LGSN: variants seen among roughly 807,000 people sequenced by gnomAD.
LGSN encodes lengsin.
In LGSN, 21 loss-of-function variants were observed where a neutral mutation model predicts 19.5. The observed-to-expected ratio is 1.07, with a 90% CI of 0.76 to 1.55. The LOEUF (loss-of-function observed/expected upper bound fraction) is 1.55. Among genes scored for constraint, LGSN ranks in the 40% most tolerant of loss-of-function variants. The pLI is 0.00. For synonymous variants in LGSN, 257 were observed against 215.6 expected (o/e 1.19, Z -1.68); for missense variants, 673 against 608.5 (o/e 1.11, Z -1.12).
the LGSN span, among the ~76,000 whole-genome samples, chr6:63,419,880 C>CAAA: frequency 1.6e-4 from 9 of 57,338 alleles, 1 homozygote; most frequent in Admixed American, 2.6e-4. Flanking sequence ...AACTCCCTCC[C>CAAA]AAAAAAAAAA....
At chr6:63,304,551 A>T (rs149530337) in intron 1 of LGSN, among the ~76,000 whole-genome samples, 81 of 152,332 alleles carry the variant, frequency 5.3e-4, no homozygotes, top group African/African-American at 1.9e-3. Context: ...GTTACAAGAG[A>T]TTAATGAACA....
chr6:63,474,735 T>C, the LGSN span, among the ~76,000 whole-genome samples: 1 of 149,232 alleles, frequency 6.7e-6, no homozygotes. Flanking sequence ...CAACCTGGCC[T>C]ACATGGTGAA....
At chr6:63,422,934 T>C in the LGSN span, among the ~76,000 whole-genome samples, 3 of 152,148 alleles carry the variant, frequency 2.0e-5, no homozygotes, top group Admixed American at 2.0e-4. Context: ...CATAGTGGAT[T>C]AAGAAAACAT....
At chr6:63,529,103 GTGTGTATATATATA>G in the LGSN span, among the ~76,000 whole-genome samples, 4 of 147,188 alleles carry the variant, frequency 2.7e-5, no homozygotes, top group Admixed American at 6.9e-5. Context: ...ATATATATAT[GTGTGTATATATATA>G]TATGTATATA....
the LGSN span, among the ~76,000 whole-genome samples, chr6:63,495,469 T>TTTTTTTTTTGG: frequency 8.4e-6 from 1 of 119,306 alleles, no homozygotes; most frequent in Non-Finnish European, 1.6e-5. Context: ...TTTTTTTTTT[T>TTTTTTTTTTGG]TTTTTTTGAG....
the LGSN span, among the ~76,000 whole-genome samples, chr6:63,459,759 C>T: frequency 2.6e-5 from 4 of 151,996 alleles, no homozygotes; most frequent in Admixed American, 1.3e-4. Context: ...ACTAAAAATA[C>T]AAAAATTAGC....
chr6:63,417,362 A>G, the LGSN span, among the ~76,000 whole-genome samples: 8 of 152,056 alleles, frequency 5.3e-5, no homozygotes, highest in Non-Finnish European at 8.8e-5. Context: ...TTTGAGTTTC[A>G]GCTTTTCAGG....
the LGSN span, among the ~76,000 whole-genome samples, chr6:63,448,215 T>C: frequency 6.6e-6 from 1 of 152,166 alleles, no homozygotes; most frequent in Admixed American, 6.5e-5. Flanking sequence ...TATTTTACAA[T>C]GTCCTAAGTA....
the LGSN span, among the ~76,000 whole-genome samples, chr6:63,345,997 T>C: frequency 6.6e-6 from 1 of 152,234 alleles, no homozygotes; most frequent in African/African-American, 2.4e-5. Context: ...TGCATTGTTT[T>C]ATTTACCAAA....
chr6:63,409,753 C>T, the LGSN span, among the ~76,000 whole-genome samples: 1 of 152,090 alleles, frequency 6.6e-6, no homozygotes, highest in African/African-American at 2.4e-5. Flanking sequence ...GTTATTACCT[C>T]AGCCGGGTGT....
the LGSN span, among the ~76,000 whole-genome samples, chr6:63,491,629 T>G: frequency 6.6e-6 from 1 of 152,232 alleles, no homozygotes; most frequent in Non-Finnish European, 1.5e-5. Flanking sequence ...AATAACTTCC[T>G]GGGTATGGTA....
At chr6:63,393,736 G>A in the LGSN span, among the ~76,000 whole-genome samples, 1 of 152,136 alleles carries the variant, frequency 6.6e-6, no homozygotes, top group East Asian at 1.9e-4. Context: ...AGGCAGAGCT[G>A]TTTTACTTTC....
At chr6:63,386,639 T>C in the LGSN span, among the ~76,000 whole-genome samples, 2 of 152,160 alleles carry the variant, frequency 1.3e-5, no homozygotes, top group Non-Finnish European at 2.9e-5. Context: ...CTTGGAACTA[T>C]ACAATACCTT....
chr6:63,427,375 G>A, the LGSN span, among the ~76,000 whole-genome samples: 3 of 151,724 alleles, frequency 2.0e-5, no homozygotes, highest in Non-Finnish European at 4.4e-5. Context: ...TTTTCCACCC[G>A]AGATAATAAA....
chr6:63,371,187 A>G, the LGSN span, among the ~76,000 whole-genome samples: 1 of 152,310 alleles, frequency 6.6e-6, no homozygotes, highest in East Asian at 1.9e-4. Context: ...ATTCAGACAA[A>G]TCTAAGTAGT....
chr6:63,495,813 TGC>T, the LGSN span, among the ~76,000 whole-genome samples: 1 of 152,050 alleles, frequency 6.6e-6, no homozygotes, highest in Admixed American at 6.6e-5. Flanking sequence ...TAATAAATAC[TGC>T]ATAAGCCTGG....
the LGSN span, among the ~76,000 whole-genome samples, chr6:63,499,435 G>A: frequency 3.9e-5 from 6 of 152,092 alleles, no homozygotes; most frequent in African/African-American, 7.3e-5. Context: ...TTCATAGATT[G>A]TTATATATTA....
the LGSN span, among the ~76,000 whole-genome samples, chr6:63,424,177 C>T: frequency 6.6e-6 from 1 of 151,896 alleles, no homozygotes; most frequent in Non-Finnish European, 1.5e-5. Flanking sequence ...TAATAGGGAG[C>T]ACTACAAACA....
chr6:63,295,090 A>C (rs1767932561), intron 1 of LGSN, 45 bp from the exon 2 acceptor site: 3 of 1,557,466 alleles, frequency 1.9e-6, no homozygotes, highest in African/African-American at 1.4e-5. Flanking sequence ...AGATTATTCA[A>C]ACAATGATAT....
Sources: allele counts gnomAD v4.1 joint callset (sites outside exome capture counted in the v4.1 genomes callset), GRCh38; gene constraint gnomAD v4.1.1; transcripts MANE v1.5; gene names NCBI Gene and HGNC (gene_info 2026-07-23, HGNC 2026-07-21).